The following TMC4 variants were observed in gnomAD, a reference collection of about 807,000 sequenced individuals.
TMC4 encodes voltage-gated chloride channel TMC4.
TMC4 carries 70 observed loss-of-function variants against 82.0 expected under a neutral mutation model. That is an observed-to-expected ratio of 0.85 (90% confidence interval 0.70 to 1.04). The LOEUF is 1.04. TMC4 is among the 50% of genes least tolerant of loss of function. TMC4 has a pLI of 0.00. For synonymous variants in TMC4, 446 were observed against 406.0 expected, an observed-to-expected ratio of 1.10 and a Z score of -1.18; for missense variants, 879 against 899.0, an observed-to-expected ratio of 0.98 and a Z score of 0.28.
chr19:54,170,567 C>T (rs142220738), intron 2 of TMC4, among the ~76,000 whole-genome samples: 3 of 152,086 alleles, frequency 2.0e-5, no homozygotes, highest in Admixed American at 1.3e-4. Flanking sequence ...TTATATAAAA[C>T]GGTATAGTAT....
In TMC4 at chr19:54,168,962, TC is replaced by T. The variant is rs1568747082; in HGVS notation, c.443-283del. Among the ~76,000 whole-genome samples, 61 of 32,898 alleles carry T rather than the reference TC, an allele frequency of 1.9e-3. 17 individuals carry two copies. The highest frequency in any genetic ancestry group is 6.2e-3 in the African/African-American group (42 of 6,728). The allele number at this position is 32,898 out of a possible 152,430, so 21.6% of individuals were successfully genotyped here. ...TTCCTTCCTTCCTTCCTTCCTTCCT[TC>T]CTTCTTCTTTCTCTCTCTCTCTCTC... is the stretch of plus-strand genomic sequence containing the variant. On this transcript the variant is annotated intron_variant, in intron 3 of 14. Transcript: ENST00000619895.
chr19:54,168,792 T>TCTTTC (rs2075775224), intron 3 of TMC4, 112 bp from the exon 4 acceptor site: 1 of 104,528 alleles, frequency 9.6e-6, no homozygotes, highest in African/African-American at 1.3e-4. Context: ...TCTTTTCTTT[T>TCTTTC]CTTTCTTTTC....
In TMC4 at chr19:54,165,070, C is replaced by CTTTTTTTT. The variant is rs34861271; in HGVS notation, c.945+341_945+348dup. ...TTGTGCTTACTTAAAAAAAAACAAA[C>CTTTTTTTT]TTTTTTTTTTTTTTTTTGGTAGAGA... On this transcript the variant is annotated intron_variant, in intron 6 of 14. Coordinates refer to ENST00000619895, the MANE Select transcript of TMC4 (RefSeq NM_144686.4). Among the ~76,000 whole-genome samples the CTTTTTTTT allele has an allele frequency of 3.3e-3, 443 of 135,976 alleles. 3 individuals carry two copies. Among genetic ancestry groups the CTTTTTTTT allele is most frequent in the African/African-American group, 0.012 (428 of 36,154 alleles). The allele number at this position is 135,976 out of a possible 152,430, so 89.2% of individuals were successfully genotyped here.
rs376997783 is a variant in TMC4 at position 54,168,702 on chromosome 19, G to A, written c.443-22C>T. On this transcript the variant is annotated intron_variant, in intron 3 of 14. Transcript: ENST00000619895. ...TGGCCTGCAGGGGGCAGCAGAGAGAGGCTCAGGTTCCTTCCCGGGAGCAGG... is the reference window on the plus strand; with the variant it reads ...TGGCCTGCAGGGGGCAGCAGAGAGAAGCTCAGGTTCCTTCCCGGGAGCAGG... 1.5e-3 allele frequency: 2,214 copies of A among 1,450,942 alleles called. 8 individuals carry two copies. Among genetic ancestry groups the A allele is most frequent in the Non-Finnish European group, 1.7e-3 (1,904 of 1,095,064 alleles). 89.9% of individuals were successfully genotyped at this position (1,450,942 alleles called of 1,614,324 possible).
At position 54,173,033 on chromosome 19, in the gene TMC4, C is replaced by T; in HGVS notation, c.79+6G>A. 6.2e-7 allele frequency: 1 copy of T among 1,611,138 alleles called. No individual in the cohort carries two copies. The stretch of plus-strand genomic sequence containing the variant: ...ATGGATCTGAGCTTCTCCTGGCATT[C>T]CCTACCTCCTCTGGCCTCCCGGGGG... On this transcript the variant is annotated splice_donor_region_variant and intron_variant, in intron 1 of 14. Coordinates refer to ENST00000619895, the MANE Select transcript of TMC4 (RefSeq NM_144686.4).
chr19:54,164,621 C>G lies in TMC4; in HGVS notation c.946-20G>C, dbSNP rs1048907599. The G allele has an allele frequency of 6.2e-7, 1 of 1,611,036 alleles. No homozygotes were observed. Among genetic ancestry groups the G allele is most frequent in the African/African-American group, 1.3e-5 (1 of 74,914 alleles). On this transcript the variant is annotated intron_variant, in intron 6 of 14. Transcript: ENST00000619895. The stretch of plus-strand genomic sequence containing the variant: ...CTCCACCTGAAGGCAGGAGAGATGC[C>G]CGCTTGGACTCCATTTCCCAAGGCG...
rs756164611 is a variant in TMC4, at chr19:54,164,611, G to A, written c.946-10C>T. ...TCTCCTCCAGCTCCACCTGAAGGCAGGAGAGATGCCCGCTTGGACTCCATT... is the reference window on the plus strand; with the variant it reads ...TCTCCTCCAGCTCCACCTGAAGGCAAGAGAGATGCCCGCTTGGACTCCATT... On this transcript the variant is annotated splice_polypyrimidine_tract_variant and intron_variant, in intron 6 of 14. Coordinates refer to ENST00000619895, the MANE Select transcript of TMC4 (RefSeq NM_144686.4). 2 of 1,612,320 alleles carry A rather than the reference G, an allele frequency of 1.2e-6. No individual in the cohort carries two copies. Among genetic ancestry groups the A allele is most frequent in the South Asian group, 1.1e-5 (1 of 91,072 alleles).
intron 9 of TMC4, 120 bp downstream of exon 9, chr19:54,162,913 T>C: frequency 1.3e-6 from 2 of 1,563,058 alleles, no homozygotes; most frequent in Admixed American, 1.7e-5. Context: ...TTCATACCCT[T>C]GGGAGAGTGT....
intron 5 of TMC4, 152 bp from the exon 6 acceptor site, chr19:54,165,718 A>G: frequency 1.1e-6 from 1 of 905,682 alleles, no homozygotes; most frequent in Non-Finnish European, 1.6e-6. Flanking sequence ...GGAAAGAGTC[A>G]AAGAGGCGGA....
intron 10 of TMC4, 35 bp downstream of exon 10, chr19:54,162,638 A>G (rs774595822): frequency 6.6e-7 from 1 of 1,526,108 alleles, no homozygotes; most frequent in East Asian, 2.3e-5. Flanking sequence ...CTCGTCCTAG[A>G]GGGGCGGGGC....
chr19:54,162,389 T>TGGGGGGGGGGG (rs779701144), intron 10 of TMC4, 104 bp from the exon 11 acceptor site: 10 of 255,536 alleles, frequency 3.9e-5, no homozygotes, highest in African/African-American at 1.8e-4. Context: ...GTATTGGTGG[T>TGGGGGGGGGGG]GGGGGGGGGG....
chr19:54,162,996 G>T lies in TMC4; in HGVS notation c.1404+37C>A, dbSNP rs138515708. The T allele has an allele frequency of 3.4e-4, 546 of 1,613,924 alleles. 1 individual carries two copies. The African/African-American group carries it at 6.4e-3, about 19-fold the overall frequency. ...CACCCAGCTCCATCTTTCCTTCAGGGACCCAAGAGTCCCACGCACACCCAT... is the reference window on the plus strand; with the variant it reads ...CACCCAGCTCCATCTTTCCTTCAGGTACCCAAGAGTCCCACGCACACCCAT... On this transcript the variant is annotated intron_variant, in intron 9 of 14. Transcript: ENST00000619895.
Position 54,161,017 on chromosome 19 carries a change from G to A in TMC4, c.1834C>T (p.Leu612=), listed in dbSNP as rs756253894. Residue 612 remains leucine, a synonymous_variant, in exon 13 of 15, where the codon CTG becomes TTG. Transcript: ENST00000619895. ...YSIFLIPPSK[L]CGPFRGQSSI... ...GACTGCCCCCGGAATGGACCACACAGCTTAGAAGGCGGGATCCTGAAGTCA... is the reference window on the plus strand; with the variant it reads ...GACTGCCCCCGGAATGGACCACACAACTTAGAAGGCGGGATCCTGAAGTCA... The A allele has an allele frequency of 5.0e-6, 8 of 1,614,170 alleles. No homozygotes were observed. Among genetic ancestry groups the A allele is most frequent in the Non-Finnish European group, 5.9e-6 (7 of 1,180,018 alleles).
chr19:54,168,193 A>C lies in TMC4; in HGVS notation c.775T>G (p.Cys259Gly). The C allele has an allele frequency of 6.2e-7, 1 of 1,603,784 alleles. No individual in the cohort carries two copies. Among genetic ancestry groups the C allele is most frequent in the East Asian group, 2.2e-5 (1 of 44,492 alleles). Residue 259 changes from cysteine (C) to glycine (G), a missense_variant, in exon 5 of 15, where the codon TGC becomes GGC. Transcript: ENST00000619895. Reference protein sequence around the residue: ...LCWAFAVGLICLLLILHRSVS... With the variant: ...LCWAFAVGLIGLLLILHRSVS... ...GACCGATGCAGGATGAGCAGGAGGC[A>C]GATGAGGCCAACGGCAAAGGCCCAG...
chr19:54,168,608 G>A lies in TMC4; in HGVS notation c.515C>T (p.Ser172Phe). The change falls in exon 4 of 15, where the codon TCT becomes TTT. Residue 172 changes from serine to phenylalanine, a missense_variant. Coordinates refer to ENST00000619895, the MANE Select transcript of TMC4 (RefSeq NM_144686.4). ...RFLLLLNVLA[S>F]VLMACMTLLP... Reference sequence around the variant, plus strand: ...CAGCGTCATGCAGGCCATGAGCACAGAGGCCAGCACGTTAAGAAGGAGCAG... The same window carrying A: ...CAGCGTCATGCAGGCCATGAGCACAAAGGCCAGCACGTTAAGAAGGAGCAG... 16 of 1,597,092 alleles carry A rather than the reference G, an allele frequency of 1.0e-5. No homozygotes were observed. The highest frequency in any genetic ancestry group is 1.3e-5 in the Non-Finnish European group (15 of 1,172,254).
intron 10 of TMC4, 99 bp from the exon 11 acceptor site, chr19:54,162,384 G>T: frequency 3.4e-6 from 1 of 290,328 alleles, no homozygotes; most frequent in Non-Finnish European, 5.7e-6. Flanking sequence ...CATGCGTATT[G>T]GTGGTGGGGG....
rs781819159 is a variant in TMC4, at chr19:54,160,298, T to G, written c.*8A>C. 2 of 1,516,142 alleles carry G rather than the reference T, an allele frequency of 1.3e-6. No individual in the cohort carries two copies. Among genetic ancestry groups the G allele is most frequent in the Non-Finnish European group, 1.8e-6 (2 of 1,133,438 alleles). The allele number at this position is 1,516,142 out of a possible 1,614,324, so 93.9% of individuals were successfully genotyped here. ...TGGGGTCTGAAAGCGGGACGTGGGC[T>G]GCGGGGGTCAAAGAGCCGGTTTGGT... On this transcript the variant is annotated 3_prime_UTR_variant, in exon 15 of 15. Transcript: ENST00000619895.
chr19:54,163,975 T>TTA, intron 7 of TMC4, 88 bp from the exon 8 acceptor site: 51 of 1,232,618 alleles, frequency 4.1e-5, no homozygotes, highest in Non-Finnish European at 4.9e-5. Context: ...CTTCTTCTTC[T>TTA]TCTTTTTTTT....
chr19:54,165,626 G>A, intron 5 of TMC4, 60 bp from the exon 6 acceptor site: 2 of 1,549,636 alleles, frequency 1.3e-6, no homozygotes, highest in East Asian at 2.3e-5. Context: ...GGGGTTATGG[G>A]GAGACCCCTC....
Sources: allele counts gnomAD v4.1 joint callset (sites outside exome capture counted in the v4.1 genomes callset), GRCh38; gene constraint gnomAD v4.1.1; transcripts MANE v1.5; gene names NCBI Gene and HGNC (gene_info 2026-07-23, HGNC 2026-07-21).